CCDC50: variants seen among roughly 807,000 people sequenced by gnomAD.
CCDC50 encodes the protein coiled-coil domain-containing protein 50.
CCDC50 carries 54 observed loss-of-function variants against 70.2 expected under a neutral mutation model. The observed-to-expected ratio is 0.77, with a 90% CI of 0.62 to 0.96. The LOEUF (loss-of-function observed/expected upper bound fraction) is 0.96, where lower values mean the gene tolerates loss of function less well. Among genes scored for constraint, CCDC50 ranks in the 50% least tolerant of loss-of-function variants. The probability of loss-of-function intolerance (pLI) is 0.00; values close to 1 mark genes in which losing one functional copy is unlikely to be tolerated. For synonymous variants in CCDC50, 216 were observed against 198.8 expected (o/e 1.09, Z -0.73); for missense variants, 558 against 578.7 (o/e 0.96, Z 0.37).
At chr3:191,374,298 A>T (rs1357291957) in intron 5 of CCDC50, among the ~76,000 whole-genome samples, 1 of 152,194 alleles carries the variant, frequency 6.6e-6, no homozygotes, top group Admixed American at 6.5e-5. Flanking sequence ...ATACAATATC[A>T]TACAGTTTTT....
Position 191,396,535 on chromosome 3 carries a change from C to T in CCDC50, c.*4775C>T, listed in dbSNP as rs772801764. The T allele has an allele frequency of 3.9e-5, 6 of 152,108 alleles. No homozygotes were observed. Among genetic ancestry groups the T allele is most frequent in the Non-Finnish European group, 7.4e-5 (5 of 68,018 alleles). 9.4% of individuals were successfully genotyped at this position (152,108 alleles called of 1,614,324 possible). A position where few individuals can be genotyped will look rare whatever the true frequency, so the allele number is the denominator to read the frequency against. On this transcript the variant is annotated 3_prime_UTR_variant, in exon 12 of 12. Transcript: ENST00000392455. ...TGAGTAACTGAGAGTTGACTGTCTT[C>T]TATGGTGACTACATAGAAGATATTT...
chr3:191,387,193 T>C (rs1282457684), intron 10 of CCDC50, among the ~76,000 whole-genome samples: 1 of 152,148 alleles, frequency 6.6e-6, no homozygotes. Flanking sequence ...ACTGTTATGA[T>C]TGTGTTAAGT....
At position 191,395,773 on chromosome 3, in the gene CCDC50, T is replaced by A. The variant is rs1376098994; in HGVS notation, c.*4013T>A. 6.6e-6 allele frequency: 1 copy of A among 152,238 alleles called. No individual in the cohort carries two copies. Among genetic ancestry groups the A allele is most frequent in the African/African-American group, 2.4e-5 (1 of 41,462 alleles). The allele number at this position is 152,238 out of a possible 1,614,324, so 9.4% of individuals were successfully genotyped here. A position where few individuals can be genotyped will look rare whatever the true frequency, so the allele number is the denominator to read the frequency against. On this transcript the variant is annotated 3_prime_UTR_variant, in exon 12 of 12. Coordinates refer to ENST00000392455, the MANE Select transcript of CCDC50 (RefSeq NM_178335.3). ...TTCAGCAAAAAGGAAAAAAGATTTT[T>A]AAATTACTTTGTCTATTACTTACTG...
intron 1 of CCDC50, among the ~76,000 whole-genome samples, chr3:191,351,415 G>A (rs1431763344): frequency 7.1e-6 from 1 of 140,948 alleles, no homozygotes; most frequent in Non-Finnish European, 1.6e-5. Context: ...TACAAATTTT[G>A]TCTCTATTTT....
At chr3:191,369,068 C>T (rs1329344433) in intron 4 of CCDC50, among the ~76,000 whole-genome samples, 1 of 152,100 alleles carries the variant, frequency 6.6e-6, no homozygotes, top group East Asian at 1.9e-4. Context: ...TTCCGTATCT[C>T]ATGTTCTAAT....
At chr3:191,332,260 C>A (rs138109587) in intron 1 of CCDC50, among the ~76,000 whole-genome samples, 5 of 152,156 alleles carry the variant, frequency 3.3e-5, no homozygotes, top group African/African-American at 1.2e-4. Flanking sequence ...TTAAGGAAGT[C>A]AAAAATATTC....
rs993793799 is a variant in CCDC50, at chr3:191,397,169, A to G, written c.*5409A>G. On this transcript the variant is annotated 3_prime_UTR_variant, in exon 12 of 12. Coordinates refer to ENST00000392455, the MANE Select transcript of CCDC50 (RefSeq NM_178335.3). ...AAAAGATCAAGTAAGGAGTAAGAAC[A>G]AGTAAGGGAAGACAGCTAAGAGAAC... The G allele has an allele frequency of 6.6e-6, 1 of 152,192 alleles. No individual in the cohort carries two copies. The highest frequency in any genetic ancestry group is 1.5e-5 in the Non-Finnish European group (1 of 68,032). 9.4% of individuals were successfully genotyped at this position (152,192 alleles called of 1,614,324 possible). A position where few individuals can be genotyped will look rare whatever the true frequency, so the allele number is the denominator to read the frequency against.
intron 1 of CCDC50, among the ~76,000 whole-genome samples, chr3:191,331,451 C>T (rs1717981083): frequency 1.3e-5 from 2 of 152,204 alleles, no homozygotes; most frequent in African/African-American, 4.8e-5. Flanking sequence ...CATTTCCACA[C>T]TCTAGAGTCT....
In CCDC50 at chr3:191,392,534, ATGGAAT is replaced by A. The variant is rs1275013801; in HGVS notation, c.*777_*782del. 1.3e-5 allele frequency: 2 copies of A among 152,224 alleles called. No homozygotes were observed. Among genetic ancestry groups the A allele is most frequent in the Non-Finnish European group, 2.9e-5 (2 of 68,052 alleles). The allele number at this position is 152,224 out of a possible 1,614,324, so 9.4% of individuals were successfully genotyped here. A position where few individuals can be genotyped will look rare whatever the true frequency, so the allele number is the denominator to read the frequency against. ...TTCATTTACTTGTAGAGCCAAGGAA[ATGGAAT>A]TGAAAGATGATTGCATAAGTAATGA... On this transcript the variant is annotated 3_prime_UTR_variant, in exon 12 of 12. Transcript: ENST00000392455.
intron 10 of CCDC50, 98 bp downstream of exon 10, chr3:191,382,923 G>A: frequency 1.1e-6 from 1 of 883,094 alleles, no homozygotes; most frequent in East Asian, 2.5e-5. Flanking sequence ...TTGGAGAGGA[G>A]ATCCAAAAAT....
At chr3:191,368,188 G>A (rs901027767) in intron 4 of CCDC50, among the ~76,000 whole-genome samples, 5 of 152,044 alleles carry the variant, frequency 3.3e-5, no homozygotes, top group Non-Finnish European at 7.4e-5. Context: ...CTGGAAAAGA[G>A]ATTAATTTTA....
At chr3:191,334,152 A>G (rs1718070580) in intron 1 of CCDC50, among the ~76,000 whole-genome samples, 1 of 152,066 alleles carries the variant, frequency 6.6e-6, no homozygotes, top group Admixed American at 6.5e-5. Context: ...TGTGTGCCAC[A>G]TGTTGTGTTG....
intron 4 of CCDC50, among the ~76,000 whole-genome samples, chr3:191,365,432 T>C (rs533436945): frequency 9.9e-5 from 15 of 152,196 alleles, no homozygotes; most frequent in African/African-American, 3.6e-4. Flanking sequence ...TATTAAAAAT[T>C]TTCCTGTGTT....
chr3:191,331,959 AT>A (rs1718002979), intron 1 of CCDC50, among the ~76,000 whole-genome samples: 1 of 152,212 alleles, frequency 6.6e-6, no homozygotes, highest in Non-Finnish European at 1.5e-5. Flanking sequence ...ATTCAAAAAA[AT>A]CCCTGTATCT....
At chr3:191,371,351 C>G (rs776976514) in intron 5 of CCDC50, among the ~76,000 whole-genome samples, 1 of 152,040 alleles carries the variant, frequency 6.6e-6, no homozygotes, top group Non-Finnish European at 1.5e-5. Flanking sequence ...TCGAGTCCTT[C>G]TCAAAGACTT....
intron 9 of CCDC50, 107 bp downstream of exon 9, chr3:191,381,039 A>T: frequency 1.2e-6 from 1 of 850,430 alleles, no homozygotes; most frequent in Non-Finnish European, 1.9e-6. Flanking sequence ...ATATGAATAT[A>T]TAAATTATCT....
rs1460700935 is a variant in CCDC50 at position 191,382,365 on chromosome 3, T to TCTGGGCGTGCA, written c.1243-376_1243-366dup. 6.7e-4 allele frequency among the ~76,000 whole-genome samples: 102 copies of TCTGGGCGTGCA among 152,312 alleles called. 1 individual carries two copies. Among genetic ancestry groups the TCTGGGCGTGCA allele is most frequent in the African/African-American group, 2.4e-3 (100 of 41,564 alleles). On this transcript the variant is annotated intron_variant, in intron 9 of 11. Transcript: ENST00000392455. The stretch of plus-strand genomic sequence containing the variant: ...GTGCACAAACCTGGATTCCGTAGAC[T>TCTGGGCGTGCA]CTGGGCGTGCACTGGTTCTTGGCAA...
intron 5 of CCDC50, among the ~76,000 whole-genome samples, chr3:191,373,311 A>G (rs1712978302): frequency 6.6e-6 from 1 of 152,120 alleles, no homozygotes; most frequent in South Asian, 2.1e-4. Flanking sequence ...TAGAGAATAA[A>G]CTTTTTCAGT....
chr3:191,385,754 G>A (rs1314031280), intron 10 of CCDC50, among the ~76,000 whole-genome samples: 1 of 151,826 alleles, frequency 6.6e-6, no homozygotes, highest in Non-Finnish European at 1.5e-5. Context: ...GTCTTTCCTA[G>A]GTTTTCTTCT....
Sources: allele counts gnomAD v4.1 joint callset (sites outside exome capture counted in the v4.1 genomes callset), GRCh38; gene constraint gnomAD v4.1.1; transcripts MANE v1.5; gene names NCBI Gene and HGNC (gene_info 2026-07-23, HGNC 2026-07-21).